The following CHLSN variants were observed in gnomAD, a reference collection of about 807,000 sequenced individuals.
The protein encoded by CHLSN is protein cholesin.
the CHLSN span, among the ~76,000 whole-genome samples, chr7:1,034,901 G>A: frequency 1.3e-5 from 2 of 152,082 alleles, no homozygotes; most frequent in African/African-American, 4.8e-5. Context: ...GTGGTATTTG[G>A]TTTTCTGTTC....
the CHLSN span, among the ~76,000 whole-genome samples, chr7:1,012,586 G>T: frequency 4.6e-5 from 7 of 152,248 alleles, no homozygotes; most frequent in Admixed American, 1.3e-4. Context: ...CAATTCCCGT[G>T]TCCCCGAGGG....
At chr7:1,029,936 G>A in the CHLSN span, among the ~76,000 whole-genome samples, 1 of 152,198 alleles carries the variant, frequency 6.6e-6, no homozygotes, top group Non-Finnish European at 1.5e-5. Flanking sequence ...GACACGAGGA[G>A]GCCAGGAAGG....
the CHLSN span, among the ~76,000 whole-genome samples, chr7:1,133,158 G>C: frequency 6.6e-6 from 1 of 152,118 alleles, no homozygotes; most frequent in Admixed American, 6.6e-5. Context: ...AGAAGACACT[G>C]TGCCGGGCAG....
the CHLSN span, among the ~76,000 whole-genome samples, chr7:1,016,842 C>CACCACA: frequency 8.9e-6 from 1 of 112,804 alleles, no homozygotes; most frequent in Admixed American, 9.2e-5. Context: ...GCAGCGCACG[C>CACCACA]CAGCACACAG....
the CHLSN span, chr7:997,917 C>G: frequency 5.1e-6 from 5 of 985,366 alleles, no homozygotes; most frequent in Admixed American, 1.3e-4. Context: ...TCCGTCCTCC[C>G]ACTGCGGCCC....
chr7:1,020,239 G>A, the CHLSN span, among the ~76,000 whole-genome samples: 8 of 152,194 alleles, frequency 5.3e-5, no homozygotes, highest in South Asian at 6.2e-4. Flanking sequence ...CTGTGAACAC[G>A]CGCTGCAGCC....
the CHLSN span, among the ~76,000 whole-genome samples, chr7:1,097,846 T>C: frequency 5.9e-5 from 9 of 152,140 alleles, no homozygotes; most frequent in East Asian, 1.7e-3. The surrounding 1 kb of genome is among the most constrained non-coding windows in gnomAD (Gnocchi z 4.3). Flanking sequence ...CTGAGTCTCA[T>C]CAGGAGGGAA....
chr7:1,009,309 T>C, the CHLSN span, among the ~76,000 whole-genome samples: 1 of 152,132 alleles, frequency 6.6e-6, no homozygotes, highest in Non-Finnish European at 1.5e-5. Context: ...ACACCCCTTA[T>C]TCTAGGTGCA....
At chr7:1,108,574 G>A in the CHLSN span, among the ~76,000 whole-genome samples, 2 of 152,198 alleles carry the variant, frequency 1.3e-5, no homozygotes, top group African/African-American at 2.4e-5. Flanking sequence ...GATTCTGTGC[G>A]GATGGCTTTC....
chr7:991,752 G>A, the CHLSN span, among the ~76,000 whole-genome samples: 1 of 152,210 alleles, frequency 6.6e-6, no homozygotes, highest in African/African-American at 2.4e-5. Flanking sequence ...ATGTTGAAGT[G>A]CACAGTTCAG....
At chr7:1,011,438 C>CAG in the CHLSN span, among the ~76,000 whole-genome samples, 2 of 143,908 alleles carry the variant, frequency 1.4e-5, no homozygotes, top group African/African-American at 5.4e-5. Context: ...AACACCCACA[C>CAG]ACCCAAACAC....
the CHLSN span, among the ~76,000 whole-genome samples, chr7:1,003,940 G>T: frequency 1.5e-5 from 1 of 65,226 alleles, no homozygotes; most frequent in African/African-American, 8.9e-5. Flanking sequence ...CCTGTGGGTG[G>T]GGAGTCCTGT....
At chr7:1,030,608 C>T in the CHLSN span, among the ~76,000 whole-genome samples, 1 of 152,222 alleles carries the variant, frequency 6.6e-6, no homozygotes, top group Non-Finnish European at 1.5e-5. Context: ...CTAGGTCCTG[C>T]CCAGTGACCC....
the CHLSN span, among the ~76,000 whole-genome samples, chr7:999,714 C>T: frequency 6.6e-6 from 1 of 152,228 alleles, no homozygotes; most frequent in African/African-American, 2.4e-5. Context: ...AGGAGAAAAC[C>T]GCCCCCTGCC....
chr7:1,079,135 A>G, the CHLSN span, among the ~76,000 whole-genome samples: 1 of 152,236 alleles, frequency 6.6e-6, no homozygotes, highest in Non-Finnish European at 1.5e-5. Flanking sequence ...CAAGACCAGC[A>G]GGGCACAAAG....
At chr7:985,499 G>A in the CHLSN span, among the ~76,000 whole-genome samples, 26 of 152,306 alleles carry the variant, frequency 1.7e-4, 1 homozygote, top group South Asian at 5.4e-3. Flanking sequence ...TGGTCATGTG[G>A]CCTCAAACCA....
At chr7:1,020,200 C>T in the CHLSN span, among the ~76,000 whole-genome samples, 3 of 152,198 alleles carry the variant, frequency 2.0e-5, no homozygotes, top group Admixed American at 6.5e-5. Flanking sequence ...CTTCCCACGC[C>T]GCGGAGTGCA....
At chr7:1,097,233 A>C in the CHLSN span, among the ~76,000 whole-genome samples, 1 of 152,190 alleles carries the variant, frequency 6.6e-6, no homozygotes, top group East Asian at 1.9e-4. This position sits in a 1 kb window ranked among gnomAD's most constrained non-coding sequence, Gnocchi z 4.3. Flanking sequence ...GCCACCCTCC[A>C]GAAGGGCCCA....
chr7:1,009,347 C>T, the CHLSN span, among the ~76,000 whole-genome samples: 64 of 152,326 alleles, frequency 4.2e-4, 1 homozygote, highest in Admixed American at 1.8e-3. Flanking sequence ...CGGACAGGAA[C>T]GGGCAGCAGC....
Sources: allele counts gnomAD v4.1 joint callset (sites outside exome capture counted in the v4.1 genomes callset), GRCh38; gene constraint gnomAD v4.1.1; non-coding constraint Gnocchi (gnomAD v3.1); transcripts MANE v1.5; gene names NCBI Gene and HGNC (gene_info 2026-07-23, HGNC 2026-07-21).